DPYS: variants seen among roughly 807,000 people sequenced by gnomAD.
The protein encoded by DPYS is dihydropyrimidinase, also known as dihydropyrimidine amidohydrolase.
A neutral mutation model predicts 50.3 loss-of-function variants in DPYS; 39 were observed. The ratio of observed to expected loss-of-function variants is 0.78; its 90% CI spans 0.60 to 1.01. The LOEUF is 1.01. Ranked by LOEUF, DPYS falls within the 50% of genes least tolerant of loss-of-function variation. The pLI is 0.00. For synonymous variants in DPYS, 245 were observed against 250.7 expected (o/e 0.98, Z 0.22); for missense variants, 659 against 680.9 (o/e 0.97, Z 0.36).
rs1814415208 is a variant in DPYS at position 104,466,691 on chromosome 8, G to A, written c.230C>T (p.Ser77Leu). Residue 77 changes from serine (S) to leucine (L), a missense_variant, in exon 1 of 10, where the codon TCG becomes TTG. Coordinates refer to ENST00000351513, the MANE Select transcript of DPYS (RefSeq NM_001385.3). Reference protein sequence around the residue: ...HTHMQFPFMGSRSIDDFHQGT... With the variant: ...HTHMQFPFMGLRSIDDFHQGT... ...CTGGTGGAAGTCGTCGATGGACCGC[G>A]AGCCCATGAAGGGGAACTGCATGTG... 1 of 1,528,508 alleles carries A rather than the reference G, an allele frequency of 6.5e-7. No homozygotes were observed. Among genetic ancestry groups the A allele is most frequent in the Non-Finnish European group, 8.8e-7 (1 of 1,141,522 alleles). 94.7% of individuals were successfully genotyped at this position (1,528,508 alleles called of 1,614,324 possible). A position where few individuals can be genotyped will look rare whatever the true frequency, so the allele number is the denominator to read the frequency against.
chr8:104,466,047 A>AT (rs570006862), intron 1 of DPYS, among the ~76,000 whole-genome samples: 1 of 133,248 alleles, frequency 7.5e-6, no homozygotes, highest in East Asian at 2.2e-4. Flanking sequence ...TCGGGGCTAT[A>AT]TTTTTTCTAC....
chr8:104,399,290 C>CAAAAAAAAAAAAA (rs11323938), intron 7 of DPYS, among the ~76,000 whole-genome samples: 43 of 74,894 alleles, frequency 5.7e-4, no homozygotes, highest in Non-Finnish European at 8.2e-4. Context: ...GACTCCATCT[C>CAAAAAAAAAAAAA]AAAAAAAAAA....
intron 8 of DPYS, 30 bp downstream of exon 8, chr8:104,392,754 T>C: frequency 1.2e-6 from 2 of 1,613,228 alleles, no homozygotes; most frequent in Non-Finnish European, 1.7e-6. Context: ...CAGTCCGACT[T>C]GTGGCAGTAT....
intron 3 of DPYS, among the ~76,000 whole-genome samples, chr8:104,445,012 G>T (rs557278729): frequency 6.6e-6 from 1 of 152,282 alleles, no homozygotes; most frequent in African/African-American, 2.4e-5. Flanking sequence ...ATATGAAAAG[G>T]TGCTCAACAT....
intron 7 of DPYS, chr8:104,418,865 T>C (rs539134278): frequency 4.2e-6 from 1 of 238,038 alleles, no homozygotes; most frequent in African/African-American, 2.3e-5. Flanking sequence ...ACATCTCCTC[T>C]CCTCTCCTAG....
Position 104,379,525 on chromosome 8 carries a change from C to T in DPYS, c.*333G>A, listed in dbSNP as rs1352053888. ...GTAACCATTTTTTTAAAAAAAGAAA[C>T]TATTTAAACAAGAAAATGATTTTTA... On this transcript the variant is annotated 3_prime_UTR_variant, in exon 10 of 10. Coordinates refer to ENST00000351513, the MANE Select transcript of DPYS (RefSeq NM_001385.3). 1 of 168,356 alleles carries T rather than the reference C, an allele frequency of 5.9e-6. No homozygotes were observed. Among genetic ancestry groups the T allele is most frequent in the Non-Finnish European group, 1.3e-5 (1 of 77,798 alleles). 10.4% of individuals were successfully genotyped at this position (168,356 alleles called of 1,614,324 possible). A position where few individuals can be genotyped will look rare whatever the true frequency, so the allele number is the denominator to read the frequency against.
chr8:104,437,072 T>C, intron 4 of DPYS, among the ~76,000 whole-genome samples: 1 of 152,122 alleles, frequency 6.6e-6, no homozygotes, highest in East Asian at 1.9e-4. Context: ...AATATCTTTT[T>C]AAAAAGGTGA....
Position 104,452,619 on chromosome 8 carries a change from A to G in DPYS, c.265-1215T>C, listed in dbSNP as rs527488966. ...CACTCTAGGAGGCTGAGACGGGAGG[A>G]GAGCTTGAGCCCAGGAGTTCAAGAC... On this transcript the variant is annotated intron_variant, in intron 1 of 9. Transcript: ENST00000351513. 6.6e-5 allele frequency among the ~76,000 whole-genome samples: 10 copies of G among 152,294 alleles called. No individual in the cohort carries two copies. The South Asian group carries it at 2.1e-3, about 32-fold the overall frequency.
At chr8:104,414,281 T>C (rs1812293108) in intron 7 of DPYS, among the ~76,000 whole-genome samples, 2 of 152,276 alleles carry the variant, frequency 1.3e-5, no homozygotes, top group South Asian at 4.2e-4. Flanking sequence ...AGTTCCAAAG[T>C]GTTATCTAAT....
chr8:104,446,615 T>C (rs987092961), intron 3 of DPYS, among the ~76,000 whole-genome samples: 1 of 152,178 alleles, frequency 6.6e-6, no homozygotes, highest in Non-Finnish European at 1.5e-5. Context: ...AACCCTGGTC[T>C]GTTTTTTGTT....
rs112709690 is a variant in DPYS at position 104,456,102 on chromosome 8, T to C, written c.265-4698A>G. On this transcript the variant is annotated intron_variant, in intron 1 of 9. Coordinates refer to ENST00000351513, the MANE Select transcript of DPYS (RefSeq NM_001385.3). Reference sequence around the variant, plus strand: ...CAGTTATTATTGTCATTGCCTATGGTATTCAGTAGAGTAACTACTGAACAG... The same window carrying C: ...CAGTTATTATTGTCATTGCCTATGGCATTCAGTAGAGTAACTACTGAACAG... Among the ~76,000 whole-genome samples, 793 of 152,236 alleles carry C rather than the reference T, an allele frequency of 5.2e-3. 10 individuals carry two copies. Among genetic ancestry groups the C allele is most frequent in the African/African-American group, 0.018 (757 of 41,536 alleles).
At chr8:104,431,687 A>G (rs2140656333) in intron 4 of DPYS, among the ~76,000 whole-genome samples, 1 of 152,244 alleles carries the variant, frequency 6.6e-6, no homozygotes, top group East Asian at 1.9e-4. Flanking sequence ...TAACACATGC[A>G]TACCATTCTA....
At chr8:104,388,347 C>T (rs888528833) in intron 8 of DPYS, among the ~76,000 whole-genome samples, 3 of 151,950 alleles carry the variant, frequency 2.0e-5, no homozygotes, top group Admixed American at 6.6e-5. Context: ...CCTGATTTTC[C>T]AGAAAAGGTT....
At chr8:104,456,821 TG>T (rs1813943297) in intron 1 of DPYS, among the ~76,000 whole-genome samples, 2 of 152,200 alleles carry the variant, frequency 1.3e-5, no homozygotes, top group Admixed American at 1.3e-4. Flanking sequence ...AAAACTCTTT[TG>T]GGGGACAGGG....
At chr8:104,407,925 AC>A (rs1222509935) in intron 7 of DPYS, among the ~76,000 whole-genome samples, 6 of 151,856 alleles carry the variant, frequency 4.0e-5, no homozygotes, top group Admixed American at 6.6e-5. Context: ...ACTATACACA[AC>A]CCTTTTCACT....
rs1588438290 is a variant in DPYS at position 104,430,090 on chromosome 8, C to G, written c.794-389G>C. ...AATTTCTCTACATTTACATTACATA[C>G]AGTCTATGTGGTGTGGAGAAGGTAG... On this transcript the variant is annotated intron_variant, in intron 4 of 9. Coordinates refer to ENST00000351513, the MANE Select transcript of DPYS (RefSeq NM_001385.3). Among the ~76,000 whole-genome samples the G allele has an allele frequency of 2.0e-5, 3 of 152,118 alleles. No individual in the cohort carries two copies. In the East Asian group the frequency reaches 5.8e-4, roughly 30 times the overall value.
chr8:104,457,377 G>A (rs1413104121), intron 1 of DPYS, among the ~76,000 whole-genome samples: 1 of 152,166 alleles, frequency 6.6e-6, no homozygotes, highest in African/African-American at 2.4e-5. Context: ...CACTACTCAG[G>A]ACGTTGTACA....
intron 7 of DPYS, among the ~76,000 whole-genome samples, chr8:104,397,021 G>C (rs181180595): frequency 1.5e-3 from 223 of 152,272 alleles, no homozygotes; most frequent in African/African-American, 4.2e-3. Context: ...ACATTGGAAG[G>C]TGTCTGACAG....
intron 8 of DPYS, among the ~76,000 whole-genome samples, chr8:104,383,813 G>A (rs941914057): frequency 1.3e-5 from 2 of 152,136 alleles, no homozygotes; most frequent in Non-Finnish European, 2.9e-5. Context: ...TCTTGGCCAG[G>A]CTGGTCTTGA....
Sources: allele counts gnomAD v4.1 joint callset (sites outside exome capture counted in the v4.1 genomes callset), GRCh38; gene constraint gnomAD v4.1.1; transcripts MANE v1.5; gene names NCBI Gene and HGNC (gene_info 2026-07-23, HGNC 2026-07-21).